MACROD2: variants seen among roughly 807,000 people sequenced by gnomAD.
MACROD2 encodes the protein ADP-ribose glycohydrolase MACROD2.
MACROD2 carries 36 observed loss-of-function variants against 70.4 expected under a neutral mutation model. The ratio of observed to expected loss-of-function variants is 0.51; its 90% CI spans 0.39 to 0.68. The LOEUF is 0.68. Among genes scored for constraint, MACROD2 ranks in the 30% least tolerant of loss-of-function variants. The pLI is 0.00. For synonymous variants in MACROD2, 172 were observed against 178.8 expected (o/e 0.96, Z 0.30); for missense variants, 496 against 538.4 (o/e 0.92, Z 0.78).
At chr20:14,407,256 G>C (rs964065756) in intron 3 of MACROD2, among the ~76,000 whole-genome samples, 2 of 151,906 alleles carry the variant, frequency 1.3e-5, no homozygotes, top group African/African-American at 4.8e-5. Context: ...TCATCTGTGG[G>C]TCTGTATTTA....
At chr20:15,541,625 C>G (rs6043353) in intron 8 of MACROD2, among the ~76,000 whole-genome samples, 47,892 of 152,022 alleles carry the variant, frequency 0.32, 8,965 homozygotes, top group East Asian at 0.55. Context: ...AAAACTGGAA[C>G]ATTTGGCCAA....
intron 7 of MACROD2, among the ~76,000 whole-genome samples, chr20:15,474,991 C>T (rs1352421832): frequency 1.3e-5 from 2 of 149,676 alleles, no homozygotes; most frequent in African/African-American, 5.0e-5. Flanking sequence ...GCAGATTCAA[C>T]AGTTGCTGAT....
chr20:14,968,241 A>G (rs527237990), intron 5 of MACROD2, among the ~76,000 whole-genome samples: 3 of 152,170 alleles, frequency 2.0e-5, no homozygotes, highest in Non-Finnish European at 2.9e-5. Flanking sequence ...CCTTGACCCA[A>G]TGAAGTAAAA....
chr20:15,264,699 T>C lies in MACROD2; in HGVS notation c.540+34638T>C, dbSNP rs6043159. ...AAAAGTCTCTCTGAGCACAGTATCCTGGGCATGGAGACCTTTTAGTCTCCT... is the reference window on the plus strand; with the variant it reads ...AAAAGTCTCTCTGAGCACAGTATCCCGGGCATGGAGACCTTTTAGTCTCCT... On this transcript the variant is annotated intron_variant, in intron 6 of 17. Transcript: ENST00000684519. Among the ~76,000 whole-genome samples, 934 of 150,590 alleles carry C rather than the reference T, an allele frequency of 6.2e-3. 13 individuals are homozygous for C. Among genetic ancestry groups the C allele is most frequent in the African/African-American group, 0.021 (877 of 41,500 alleles).
chr20:14,878,509 A>C (rs1198784451), intron 5 of MACROD2, among the ~76,000 whole-genome samples: 1 of 152,160 alleles, frequency 6.6e-6, no homozygotes, highest in Non-Finnish European at 1.5e-5. Flanking sequence ...AGAAGTAATA[A>C]ATGTTATATA....
At chr20:14,203,006 C>T (rs1032444547) in intron 3 of MACROD2, among the ~76,000 whole-genome samples, 1 of 151,500 alleles carries the variant, frequency 6.6e-6, no homozygotes. Context: ...GAGATCGTGT[C>T]ATTGCACTCC....
intron 6 of MACROD2, among the ~76,000 whole-genome samples, chr20:15,339,021 A>AC (rs1163207809): frequency 1.3e-5 from 2 of 151,774 alleles, no homozygotes; most frequent in Non-Finnish European, 2.9e-5. Context: ...CTTCAAATAA[A>AC]CCCGTTTAAT....
chr20:14,762,384 G>A (rs2072027506), intron 5 of MACROD2, among the ~76,000 whole-genome samples: 3 of 152,090 alleles, frequency 2.0e-5, no homozygotes. Flanking sequence ...CTTTGAAATA[G>A]ATAAGAGCTA....
At chr20:15,943,166 A>T (rs2065773732) in intron 12 of MACROD2, among the ~76,000 whole-genome samples, 1 of 152,174 alleles carries the variant, frequency 6.6e-6, no homozygotes, top group African/African-American at 2.4e-5. Context: ...ACATACAAGG[A>T]AGAGAATTCA....
At chr20:14,200,292 T>C (rs1264359725) in intron 3 of MACROD2, among the ~76,000 whole-genome samples, 1 of 151,984 alleles carries the variant, frequency 6.6e-6, no homozygotes, top group East Asian at 1.9e-4. Context: ...AAACCAAATA[T>C]AGCATGTTCT....
chr20:14,312,000 A>C (rs2082571783), intron 3 of MACROD2, among the ~76,000 whole-genome samples: 1 of 152,202 alleles, frequency 6.6e-6, no homozygotes, highest in Non-Finnish European at 1.5e-5. Context: ...AAATAATAAA[A>C]TATTTTCTGA....
chr20:15,446,732 G>A (rs1263299446), intron 7 of MACROD2, among the ~76,000 whole-genome samples: 4 of 152,208 alleles, frequency 2.6e-5, no homozygotes, highest in African/African-American at 9.6e-5. Flanking sequence ...TGCTGGCGCT[G>A]CCGTAGGGAA....
intron 5 of MACROD2, among the ~76,000 whole-genome samples, chr20:15,047,652 A>G (rs1185652590): frequency 1.3e-5 from 2 of 152,114 alleles, no homozygotes; most frequent in South Asian, 2.1e-4. Flanking sequence ...TGCCCCTCCA[A>G]TTCTGGGTAT....
intron 4 of MACROD2, among the ~76,000 whole-genome samples, chr20:14,506,346 T>C (rs2084969699): frequency 1.3e-5 from 2 of 152,070 alleles, no homozygotes; most frequent in South Asian, 4.1e-4. Context: ...CAGAGAAGAC[T>C]TGTAAATGGC....
intron 5 of MACROD2, among the ~76,000 whole-genome samples, chr20:15,136,379 A>C (rs1344378614): frequency 1.3e-5 from 2 of 152,014 alleles, no homozygotes; most frequent in Non-Finnish European, 2.9e-5. Context: ...GATCAGTGGA[A>C]CAGAACAGAG....
intron 5 of MACROD2, 130 bp from the exon 6 acceptor site, chr20:15,229,810 C>A: frequency 6.6e-6 from 6 of 908,034 alleles, no homozygotes; most frequent in Non-Finnish European, 9.0e-6. Context: ...ATTTGCGTCG[C>A]CAATGTATTG....
In MACROD2 at chr20:14,034,150, A is replaced by G. The variant is rs190175458; in HGVS notation, c.163+31746A>G. ...CCACACCAGGCTAATTTCTTTTTGT[A>G]TTTTTAGTAGAGACGGGGTTTCACC... On this transcript the variant is annotated intron_variant, in intron 2 of 17. Coordinates refer to ENST00000684519, the MANE Select transcript of MACROD2 (RefSeq NM_001351661.2). Among the ~76,000 whole-genome samples, 16 of 152,026 alleles carry G rather than the reference A, an allele frequency of 1.1e-4. No homozygotes were observed. In the East Asian group the frequency reaches 3.1e-3, roughly 29 times the overall value.
chr20:14,453,006 T>C (rs2084261510), intron 3 of MACROD2, among the ~76,000 whole-genome samples: 1 of 152,134 alleles, frequency 6.6e-6, no homozygotes, highest in African/African-American at 2.4e-5. Flanking sequence ...AATTACCTTA[T>C]CTAGGTCCTT....
intron 11 of MACROD2, among the ~76,000 whole-genome samples, 156 bp from the exon 12 acceptor site, chr20:15,937,320 A>G (rs2065679582): frequency 1.3e-5 from 2 of 152,210 alleles, no homozygotes; most frequent in African/African-American, 4.8e-5. Flanking sequence ...AGAGTCCCAA[A>G]CCACTAGCCC....
Sources: gnomAD v4.1 joint callset for allele counts (sites outside exome capture counted in the v4.1 genomes callset) on GRCh38, gnomAD v4.1.1 for gene constraint, MANE v1.5 for transcripts, NCBI Gene and HGNC (gene_info 2026-07-23, HGNC 2026-07-21) for gene names.